The following FAM168A variants were observed in gnomAD, a reference collection of about 807,000 sequenced individuals.
FAM168A encodes the protein family with sequence similarity 168 member A.
A neutral mutation model predicts 28.5 loss-of-function variants in FAM168A; 3 were observed. That is an observed-to-expected ratio of 0.11 (90% CI 0.05 to 0.27). The LOEUF (loss-of-function observed/expected upper bound fraction) is 0.27. FAM168A is among the 10% of genes least tolerant of loss of function. The probability of loss-of-function intolerance (pLI) is 1.00; values close to 1 mark genes in which losing one functional copy is unlikely to be tolerated. For synonymous variants in FAM168A, 122 were observed against 124.2 expected, an observed-to-expected ratio of 0.98 and a Z score of 0.12; for missense variants, 222 against 311.5, an observed-to-expected ratio of 0.71 and a Z score of 2.16.
chr11:73,573,657 G>A (rs541287374), intron 1 of FAM168A, among the ~76,000 whole-genome samples: 8 of 152,146 alleles, frequency 5.3e-5, no homozygotes, highest in Non-Finnish European at 5.9e-5. Context: ...AGTGAATTCC[G>A]ACGGGGCACA....
At chr11:73,447,583 C>A (rs1050708058) in intron 2 of FAM168A, among the ~76,000 whole-genome samples, 2 of 151,214 alleles carry the variant, frequency 1.3e-5, no homozygotes, top group Non-Finnish European at 3.0e-5. Context: ...AAAAAATTCA[C>A]CCCCCAATTT....
At chr11:73,438,562 T>A (rs764099842) in intron 2 of FAM168A, among the ~76,000 whole-genome samples, 3 of 152,054 alleles carry the variant, frequency 2.0e-5, no homozygotes, top group Non-Finnish European at 1.5e-5. Flanking sequence ...AAAGGTAGAC[T>A]GGGGGACAGG....
At chr11:73,555,647 G>A (rs1943881362) in intron 1 of FAM168A, among the ~76,000 whole-genome samples, 1 of 151,514 alleles carries the variant, frequency 6.6e-6, no homozygotes, top group South Asian at 2.1e-4. Flanking sequence ...GGCAGCGGTT[G>A]CAATGAGCCA....
chr11:73,512,389 G>T (rs1401198402), intron 1 of FAM168A, among the ~76,000 whole-genome samples: 2 of 152,054 alleles, frequency 1.3e-5, no homozygotes, highest in Non-Finnish European at 2.9e-5. Context: ...ATTATTGGTT[G>T]TCAGGGCCTA....
intron 2 of FAM168A, among the ~76,000 whole-genome samples, chr11:73,442,070 C>T (rs1867205203): frequency 6.6e-6 from 1 of 151,672 alleles, no homozygotes; most frequent in Non-Finnish European, 1.5e-5. Context: ...TGCTCTTTTT[C>T]CCCGCAGTGT....
chr11:73,462,917 G>A (rs949374907), intron 2 of FAM168A, among the ~76,000 whole-genome samples: 7 of 151,124 alleles, frequency 4.6e-5, no homozygotes, highest in African/African-American at 1.7e-4. Context: ...GAGGAGAGGA[G>A]AAGAGAAGAG....
At chr11:73,520,914 A>G (rs2134650489) in intron 1 of FAM168A, among the ~76,000 whole-genome samples, 1 of 152,290 alleles carries the variant, frequency 6.6e-6, no homozygotes, top group South Asian at 2.1e-4. Flanking sequence ...CAGCTAAAAA[A>G]AAAAACAGTA....
At chr11:73,429,809 G>A (rs1866952081) in intron 3 of FAM168A, among the ~76,000 whole-genome samples, 1 of 152,206 alleles carries the variant, frequency 6.6e-6, no homozygotes. Flanking sequence ...GCTACTTCAG[G>A]CAGGCAAAGA....
At chr11:73,411,621 A>C (rs993778735) in intron 4 of FAM168A, 85 bp from the exon 5 acceptor site, 3 of 1,398,288 alleles carry the variant, frequency 2.1e-6, no homozygotes, top group Non-Finnish European at 3.0e-6. Flanking sequence ...ACGACTCCCC[A>C]GACAAAGATG....
chr11:73,437,984 T>G (rs1473082316), intron 2 of FAM168A, among the ~76,000 whole-genome samples: 3 of 152,182 alleles, frequency 2.0e-5, no homozygotes, highest in Non-Finnish European at 2.9e-5. Flanking sequence ...TCTTCTTGCC[T>G]CGTTGATTCC....
Position 73,411,390 on chromosome 11 carries a change from C to A in FAM168A, c.420+4G>T, listed in dbSNP as rs771261861. 4 of 1,589,828 alleles carry A rather than the reference C, an allele frequency of 2.5e-6. No homozygotes were observed. The highest frequency in any genetic ancestry group is 1.7e-6 in the Non-Finnish European group (2 of 1,167,418). On this transcript the variant is annotated splice_donor_region_variant and intron_variant, in intron 5 of 7. Transcript: ENST00000356467. ...CAGAAGAGGTGGCTTTGACATGTAC[C>A]TACCTGGGCATACAGATTCTGCTGG...
At chr11:73,448,381 T>G (rs974770729) in intron 2 of FAM168A, among the ~76,000 whole-genome samples, 1 of 152,182 alleles carries the variant, frequency 6.6e-6, no homozygotes, top group Non-Finnish European at 1.5e-5. Flanking sequence ...CGCTTCACAT[T>G]AATCCCATCT....
chr11:73,551,485 A>G (rs1479025895), intron 1 of FAM168A, among the ~76,000 whole-genome samples: 2 of 152,230 alleles, frequency 1.3e-5, no homozygotes, highest in Non-Finnish European at 2.9e-5. Context: ...CACAATTACA[A>G]AAATAACTGT....
intron 1 of FAM168A, among the ~76,000 whole-genome samples, chr11:73,566,683 C>G (rs1944023920): frequency 6.6e-6 from 1 of 152,242 alleles, no homozygotes; most frequent in Non-Finnish European, 1.5e-5. Context: ...AAGTCCCAGT[C>G]TGTCATACAC....
intron 1 of FAM168A, among the ~76,000 whole-genome samples, chr11:73,559,362 G>A (rs913967587): frequency 5.9e-5 from 9 of 151,982 alleles, no homozygotes; most frequent in South Asian, 2.1e-4. Flanking sequence ...AGCCGAGATC[G>A]CGCCACTGCA....
chr11:73,419,610 G>C (rs897378159), intron 4 of FAM168A, among the ~76,000 whole-genome samples: 21 of 152,136 alleles, frequency 1.4e-4, no homozygotes, highest in African/African-American at 5.1e-4. Context: ...TGCAGTAACA[G>C]TCCTTCCCCA....
intron 1 of FAM168A, among the ~76,000 whole-genome samples, chr11:73,471,526 T>C (rs779790944): frequency 1.3e-5 from 2 of 152,212 alleles, no homozygotes; most frequent in Non-Finnish European, 2.9e-5. Flanking sequence ...AAAGTTGTCA[T>C]ACATTTGTAG....
chr11:73,444,901 C>T (rs1260305630), intron 2 of FAM168A, among the ~76,000 whole-genome samples: 2 of 152,116 alleles, frequency 1.3e-5, no homozygotes, highest in Admixed American at 6.5e-5. Context: ...TCAGTATTCT[C>T]TATTTTTTCT....
chr11:73,484,626 AGAT>A (rs1565265890), intron 1 of FAM168A, among the ~76,000 whole-genome samples: 1 of 124,424 alleles, frequency 8.0e-6, no homozygotes, highest in Non-Finnish European at 1.7e-5. Flanking sequence ...ATCTATATAT[AGAT>A]ATCTATATCG....
Sources: allele counts gnomAD v4.1 joint callset (sites outside exome capture counted in the v4.1 genomes callset), GRCh38; gene constraint gnomAD v4.1.1; transcripts MANE v1.5; gene names NCBI Gene and HGNC (gene_info 2026-07-23, HGNC 2026-07-21).